HCK: variants seen among roughly 807,000 people sequenced by gnomAD.
HCK encodes HCK proto-oncogene, Src family tyrosine kinase.
A neutral mutation model predicts 70.4 loss-of-function variants in HCK; 40 were observed. The observed-to-expected ratio is 0.57, with a 90% CI of 0.44 to 0.74. The LOEUF (loss-of-function observed/expected upper bound fraction) is 0.74. HCK is among the 30% of genes least tolerant of loss of function. HCK has a pLI of 0.00. For synonymous variants in HCK, 245 were observed against 263.2 expected (o/e 0.93, Z 0.67); for missense variants, 568 against 697.2 (o/e 0.81, Z 2.09).
At chr20:32,089,652 C>T (rs1448469513) in intron 10 of HCK, among the ~76,000 whole-genome samples, 1 of 152,226 alleles carries the variant, frequency 6.6e-6, no homozygotes, top group Non-Finnish European at 1.5e-5. Context: ...CCCCTTGCAG[C>T]TCCTCTCACC....
At chr20:32,057,166 G>C (rs191678939) in intron 1 of HCK, among the ~76,000 whole-genome samples, 6 of 152,168 alleles carry the variant, frequency 3.9e-5, no homozygotes, top group East Asian at 3.8e-4. Flanking sequence ...CTGCCCTGGG[G>C]GCTACACCTG....
Position 32,058,395 on chromosome 20 carries a change from G to C in HCK, c.62+5909G>C, listed in dbSNP as rs2045306511. On this transcript the variant is annotated intron_variant, in intron 1 of 12. Transcript: ENST00000375852. ...AAAAATGCAAAAATTAGCCGGGCGT[G>C]GTGGCGGGCGCCTGTAATTTCAGCT... 2.6e-5 allele frequency among the ~76,000 whole-genome samples: 4 copies of C among 151,998 alleles called. No individual in the cohort carries two copies. In the South Asian group the frequency reaches 8.3e-4, roughly 32 times the overall value.
Position 32,052,479 on chromosome 20 carries a change from G to A in HCK, c.55G>A (p.Ala19Thr). The change falls in exon 1 of 13, where the codon GCG (alanine) becomes ACG (threonine). Residue 19 changes from alanine (A) to threonine (T), a missense_variant. Physicochemically the swap from Ala to Thr is moderately conservative, Grantham distance 58 (BLOSUM62 0). This residue lies in a region of HCK where 318 missense variants were observed against 336.0 expected (regional missense o/e 0.95). Transcript: ENST00000375852. ...GGGCTGCCCGCGAGACGAGGAGCGG[G>A]CGCCCAGGTGAGTGCCGCGCACAGG... The A allele has an allele frequency of 7.9e-7, 1 of 1,264,802 alleles. No individual in the cohort carries two copies. Among genetic ancestry groups the A allele is most frequent in the South Asian group, 3.2e-5 (1 of 31,172 alleles). 78.3% of individuals were successfully genotyped at this position (1,264,802 alleles called of 1,614,324 possible). A position where few individuals can be genotyped will look rare whatever the true frequency, so the allele number is the denominator to read the frequency against.
At chr20:32,088,975 C>G (rs1168755375) in intron 10 of HCK, among the ~76,000 whole-genome samples, 1 of 152,238 alleles carries the variant, frequency 6.6e-6, no homozygotes, top group Non-Finnish European at 1.5e-5. Flanking sequence ...TTCTGCTCGT[C>G]ATGGTAAAGT....
chr20:32,069,172 T>A (rs2045502676), intron 1 of HCK, among the ~76,000 whole-genome samples: 1 of 152,184 alleles, frequency 6.6e-6, no homozygotes, highest in Non-Finnish European at 1.5e-5. Context: ...TTTACACTCA[T>A]CAACTTGCTC....
intron 1 of HCK, among the ~76,000 whole-genome samples, chr20:32,054,586 C>T (rs997884066): frequency 7.0e-6 from 1 of 142,310 alleles, no homozygotes; most frequent in African/African-American, 2.6e-5. Flanking sequence ...CCGGGCGGAT[C>T]ACGAGGTCAG....
At position 32,094,805 on chromosome 20, in the gene HCK, GAA is replaced by G. The variant is rs1600745563; in HGVS notation, c.1246+791_1246+792del. Among the ~76,000 whole-genome samples, 519 of 77,376 alleles carry G rather than the reference GAA, an allele frequency of 6.7e-3. 11 individuals carry two copies. The highest frequency in any genetic ancestry group is 0.018 in the Middle Eastern group (3 of 168). The allele number at this position is 77,376 out of a possible 152,430, so 50.8% of individuals were successfully genotyped here. A position where few individuals can be genotyped will look rare whatever the true frequency, so the allele number is the denominator to read the frequency against. On this transcript the variant is annotated intron_variant, in intron 11 of 12. Transcript: ENST00000375852. Reference sequence around the variant, plus strand: ...AGAGAAAGAGAAAGAAAGAAAGAAAGAAAGAAAGAAAGAAAGAAAGAAAGAAA... The same window carrying G: ...AGAGAAAGAGAAAGAAAGAAAGAAAGAGAAAGAAAGAAAGAAAGAAAGAAA...
intron 1 of HCK, among the ~76,000 whole-genome samples, chr20:32,067,803 G>C (rs779420656): frequency 6.6e-6 from 1 of 151,994 alleles, no homozygotes; most frequent in Non-Finnish European, 1.5e-5. Flanking sequence ...TGGAGTCATA[G>C]CTGAGATGTG....
chr20:32,078,897 G>A (rs1014298770), intron 5 of HCK, among the ~76,000 whole-genome samples: 8 of 140,184 alleles, frequency 5.7e-5, no homozygotes, highest in African/African-American at 8.3e-5. Context: ...AATGATAAAG[G>A]TGACAACTCC....
intron 9 of HCK, among the ~76,000 whole-genome samples, chr20:32,087,972 G>A (rs183456603): frequency 3.5e-4 from 53 of 152,190 alleles, no homozygotes; most frequent in African/African-American, 1.1e-3. Context: ...ACAAGGTCTC[G>A]CCATCTTGCC....
chr20:32,100,537 A>T (rs1417694367), intron 12 of HCK, among the ~76,000 whole-genome samples: 1 of 152,206 alleles, frequency 6.6e-6, no homozygotes, highest in Non-Finnish European at 1.5e-5. Context: ...TAGGGATAGA[A>T]ATTGGAGAGC....
intron 1 of HCK, among the ~76,000 whole-genome samples, chr20:32,057,975 GCGCTAGGA>G (rs977712337): frequency 6.6e-6 from 1 of 152,122 alleles, no homozygotes; most frequent in Non-Finnish European, 1.5e-5. Context: ...GGATGGCACT[GCGCTAGGA>G]CGTGCGCTCC....
intron 1 of HCK, among the ~76,000 whole-genome samples, chr20:32,071,432 G>T (rs1458985494): frequency 6.6e-6 from 1 of 152,256 alleles, no homozygotes; most frequent in Non-Finnish European, 1.5e-5. Context: ...CAGCTTGTCA[G>T]CCCTGGGCCA....
chr20:32,075,060 G>T (rs1315567462), intron 5 of HCK, among the ~76,000 whole-genome samples: 1 of 152,236 alleles, frequency 6.6e-6, no homozygotes, highest in Non-Finnish European at 1.5e-5. Context: ...GACTTTGTCT[G>T]CTTCTGCATC....
intron 1 of HCK, among the ~76,000 whole-genome samples, chr20:32,053,905 C>T (rs1266597778): frequency 1.3e-5 from 2 of 151,996 alleles, no homozygotes; most frequent in Non-Finnish European, 2.9e-5. Context: ...AAGGAGGACA[C>T]TTTGAGAACC....
chr20:32,076,483 T>G (rs535872810), intron 5 of HCK, among the ~76,000 whole-genome samples: 1 of 152,322 alleles, frequency 6.6e-6, no homozygotes, highest in South Asian at 2.1e-4. Context: ...GGTCACCTCA[T>G]GTAGTCCTTG....
At chr20:32,099,403 G>C (rs767863383) in intron 12 of HCK, among the ~76,000 whole-genome samples, 5 of 135,422 alleles carry the variant, frequency 3.7e-5, no homozygotes, top group Non-Finnish European at 6.0e-5. Context: ...TGTCACCCAG[G>C]CTGGAGTGCA....
At chr20:32,058,859 T>C (rs1411499694) in intron 1 of HCK, among the ~76,000 whole-genome samples, 1 of 152,092 alleles carries the variant, frequency 6.6e-6, no homozygotes, top group Non-Finnish European at 1.5e-5. Context: ...ACTGAGGAGC[T>C]CTGGGAGCCA....
intron 10 of HCK, among the ~76,000 whole-genome samples, chr20:32,093,248 TTTATC>T (rs2045888001): frequency 6.6e-6 from 1 of 152,036 alleles, no homozygotes; most frequent in Admixed American, 6.6e-5. Flanking sequence ...CCCGGCCTGT[TTTATC>T]TTTTCTTTAT....
Sources: gnomAD v4.1 joint callset for allele counts (sites outside exome capture counted in the v4.1 genomes callset) on GRCh38, gnomAD v4.1.1 for gene constraint, gnomAD v4.1.1 regional missense constraint, MANE v1.5 for transcripts, NCBI Gene and HGNC (gene_info 2026-07-23, HGNC 2026-07-21) for gene names.